Variants in ELMO1 observed in about 807,000 individuals in gnomAD.
The protein encoded by ELMO1 is engulfment and cell motility 1, also known as engulfment and cell motility protein 1.
A neutral mutation model predicts 98.9 loss-of-function variants in ELMO1; 26 were observed. The observed-to-expected ratio is 0.26, with a 90% confidence interval of 0.19 to 0.36. ELMO1 has a LOEUF of 0.36. Among genes scored for constraint, ELMO1 ranks in the 10% least tolerant of loss-of-function variants. The pLI, the probability that ELMO1 is intolerant of heterozygous loss-of-function variation, is 1.00. For synonymous variants in ELMO1, 346 were observed against 346.0 expected, an observed-to-expected ratio of 1.00 and a Z score of 0.00; for missense variants, 627 against 935.2, an observed-to-expected ratio of 0.67 and a Z score of 4.30.
At chr7:37,121,015 A>G (rs1044667001) in intron 14 of ELMO1, among the ~76,000 whole-genome samples, 7 of 152,226 alleles carry the variant, frequency 4.6e-5, no homozygotes, top group South Asian at 4.2e-4. Context: ...AGGCAAACAG[A>G]GTCTGGAGTG....
chr7:37,018,999 TC>T (rs1794119515), intron 15 of ELMO1, among the ~76,000 whole-genome samples: 1 of 152,158 alleles, frequency 6.6e-6, no homozygotes, highest in Non-Finnish European at 1.5e-5. Flanking sequence ...TGATGATATG[TC>T]AAAAACCTAC....
At chr7:37,341,191 C>T (rs1800697353) in intron 2 of ELMO1, among the ~76,000 whole-genome samples, 1 of 152,190 alleles carries the variant, frequency 6.6e-6, no homozygotes, top group Non-Finnish European at 1.5e-5. Flanking sequence ...GGCAATGCAA[C>T]AAGACAGAGG....
intron 13 of ELMO1, among the ~76,000 whole-genome samples, chr7:37,195,633 G>A (rs2130236028): frequency 6.6e-6 from 1 of 152,338 alleles, no homozygotes; most frequent in Non-Finnish European, 1.5e-5. Context: ...CCCAAAGTGA[G>A]GAAGAACTGT....
intron 13 of ELMO1, among the ~76,000 whole-genome samples, chr7:37,150,103 A>T (rs988095769): frequency 2.0e-5 from 3 of 152,100 alleles, no homozygotes; most frequent in Non-Finnish European, 4.4e-5. Context: ...TTTAAAGGCA[A>T]ACCTCAGATG....
At chr7:37,187,666 A>C (rs1791297618) in intron 13 of ELMO1, among the ~76,000 whole-genome samples, 1 of 152,212 alleles carries the variant, frequency 6.6e-6, no homozygotes, top group African/African-American at 2.4e-5. Flanking sequence ...TTCTGATAGT[A>C]AAGAAAAATG....
chr7:37,042,747 T>C (rs1220906154), intron 15 of ELMO1, among the ~76,000 whole-genome samples: 1 of 152,200 alleles, frequency 6.6e-6, no homozygotes, highest in African/African-American at 2.4e-5. Context: ...GCTGTTCCCT[T>C]GGCCTGGAAT....
chr7:36,983,289 A>C (rs2129145328), intron 16 of ELMO1, among the ~76,000 whole-genome samples: 1 of 152,340 alleles, frequency 6.6e-6, no homozygotes, highest in East Asian at 1.9e-4. Context: ...GCATTTTGTG[A>C]TGGGCTTTTT....
intron 16 of ELMO1, chr7:36,986,102 GCACACCTTTAAATGGTATA>G (rs1377694922): frequency 8.1e-6 from 8 of 990,630 alleles, no homozygotes; most frequent in Non-Finnish European, 9.6e-6. Flanking sequence ...GAGACCCGCC[GCACACCTTTAAATGGTATA>G]CACTCCAAGT....
At chr7:36,877,812 C>T (rs1020335148) in intron 19 of ELMO1, among the ~76,000 whole-genome samples, 198 bp downstream of exon 19, 3 of 152,180 alleles carry the variant, frequency 2.0e-5, no homozygotes, top group African/African-American at 7.2e-5. Flanking sequence ...ATCCATTTTA[C>T]ATTCTCCCCT....
intron 1 of ELMO1, among the ~76,000 whole-genome samples, chr7:37,347,085 G>C (rs777471307): frequency 1.1e-4 from 16 of 152,170 alleles, no homozygotes; most frequent in Non-Finnish European, 1.8e-4. Flanking sequence ...GAAAGGGAGG[G>C]GGGCATAGCA....
At chr7:37,160,608 T>C (rs1331232674) in intron 13 of ELMO1, among the ~76,000 whole-genome samples, 1 of 152,182 alleles carries the variant, frequency 6.6e-6, no homozygotes, top group Non-Finnish European at 1.5e-5. Context: ...AGTGGCCCTT[T>C]ATGTTGGAGG....
intron 16 of ELMO1, among the ~76,000 whole-genome samples, chr7:37,007,800 C>T (rs1174748580): frequency 6.6e-6 from 1 of 152,156 alleles, no homozygotes; most frequent in African/African-American, 2.4e-5. Flanking sequence ...GAATAATCTT[C>T]ATAGGAGATT....
chr7:37,099,435 G>A (rs1254323804), intron 14 of ELMO1, among the ~76,000 whole-genome samples: 2 of 152,126 alleles, frequency 1.3e-5, no homozygotes, highest in Non-Finnish European at 2.9e-5. Flanking sequence ...GTCCATCGGA[G>A]ACATTTTGAA....
At chr7:36,915,063 G>C (rs764248392) in intron 16 of ELMO1, among the ~76,000 whole-genome samples, 23 of 152,042 alleles carry the variant, frequency 1.5e-4, no homozygotes, top group South Asian at 4.2e-4. Context: ...AAGCAATCCA[G>C]GTGTGCACCA....
At chr7:36,930,940 A>G (rs1785986898) in intron 16 of ELMO1, among the ~76,000 whole-genome samples, 1 of 152,202 alleles carries the variant, frequency 6.6e-6, no homozygotes, top group Non-Finnish European at 1.5e-5. Context: ...TCAGTCTCCT[A>G]TCTCTTCCTC....
intron 1 of ELMO1, among the ~76,000 whole-genome samples, chr7:37,408,068 A>G (rs1057419482): frequency 6.6e-6 from 1 of 152,222 alleles, no homozygotes; most frequent in African/African-American, 2.4e-5. Flanking sequence ...AACATTGAAT[A>G]CCACAATAAA....
rs192157286 is a variant in ELMO1 at position 37,208,273 on chromosome 7, T to G, written c.1086+3113A>C. Among the ~76,000 whole-genome samples the G allele has an allele frequency of 5.3e-5, 8 of 152,286 alleles. No individual in the cohort carries two copies. In the East Asian group the frequency reaches 1.5e-3, roughly 29 times the overall value. On this transcript the variant is annotated intron_variant, in intron 13 of 21. Coordinates refer to ENST00000310758, the MANE Select transcript of ELMO1 (RefSeq NM_014800.11). ...AAAAGATGCTGCCCAGTTTCACAGC[T>G]GAGAAAACCCATGCCCAAACAGGTT... is the stretch of plus-strand genomic sequence containing the variant.
At position 36,897,808 on chromosome 7, in the gene ELMO1, A is replaced by C. The variant is rs546902609; in HGVS notation, c.1438-2791T>G. On this transcript the variant is annotated intron_variant, in intron 16 of 21. Transcript: ENST00000310758. The stretch of plus-strand genomic sequence containing the variant: ...AGATGCAAGAATACATAAGTAGAGC[A>C]ATCCTTTGAATTTTCCCCAAATCAC... Among the ~76,000 whole-genome samples, 3 of 152,248 alleles carry C rather than the reference A, an allele frequency of 2.0e-5. No homozygotes were observed. The South Asian group carries it at 6.2e-4, about 31-fold the overall frequency.
At chr7:37,153,351 CA>C (rs1275953899) in intron 13 of ELMO1, among the ~76,000 whole-genome samples, 3 of 152,172 alleles carry the variant, frequency 2.0e-5, no homozygotes, top group African/African-American at 7.2e-5. Context: ...ACCCGGGAAG[CA>C]CAAGGGGTCC....
Sources: gnomAD v4.1 joint callset for allele counts (sites outside exome capture counted in the v4.1 genomes callset) on GRCh38, gnomAD v4.1.1 for gene constraint, MANE v1.5 for transcripts, NCBI Gene and HGNC (gene_info 2026-07-23, HGNC 2026-07-21) for gene names.